SLC30A9: variants seen among roughly 807,000 people sequenced by gnomAD.
SLC30A9 encodes the protein solute carrier family 30 member 9, also known as proton-coupled zinc antiporter SLC30A9, mitochondrial.
A neutral mutation model predicts 87.5 loss-of-function variants in SLC30A9; 58 were observed. The observed-to-expected ratio is 0.66, with a 90% confidence interval of 0.54 to 0.82. SLC30A9 has a LOEUF of 0.82. Ranked by LOEUF, SLC30A9 falls within the 40% of genes least tolerant of loss-of-function variation. SLC30A9 has a pLI of 0.00. For missense variants in SLC30A9, 557 were observed against 679.1 expected, an observed-to-expected ratio of 0.82 and a Z score of 2.00; for synonymous variants, 234 against 233.0, an observed-to-expected ratio of 1.00 and a Z score of -0.04.
At chr4:41,990,911 G>A in intron 1 of SLC30A9, 151 bp downstream of exon 1, 1 of 630,952 alleles carries the variant, frequency 1.6e-6, no homozygotes, top group East Asian at 2.8e-5. Context: ...TTCAGCCTGC[G>A]CAGCCCGCGG....
At chr4:42,021,629 G>GA (rs2153135377) in intron 4 of SLC30A9, among the ~76,000 whole-genome samples, 1 of 152,232 alleles carries the variant, frequency 6.6e-6, no homozygotes, top group South Asian at 2.1e-4. Context: ...TCATTCCTTT[G>GA]AATGGATATT....
chr4:42,059,953 AT>A (rs553998718), intron 9 of SLC30A9, among the ~76,000 whole-genome samples: 2 of 151,744 alleles, frequency 1.3e-5, no homozygotes, highest in African/African-American at 2.4e-5. Flanking sequence ...CAATTGATGG[AT>A]TTTTTTTAGG....
intron 8 of SLC30A9, among the ~76,000 whole-genome samples, chr4:42,046,676 A>G (rs1403585692): frequency 6.6e-6 from 1 of 152,224 alleles, no homozygotes; most frequent in Non-Finnish European, 1.5e-5. Flanking sequence ...TAATGGAATC[A>G]ATGATATCCC....
intron 17 of SLC30A9, among the ~76,000 whole-genome samples, chr4:42,085,254 A>G (rs1032121637): frequency 6.6e-6 from 1 of 152,322 alleles, no homozygotes; most frequent in Non-Finnish European, 1.5e-5. Flanking sequence ...TCTAGATCTC[A>G]TGAGCAAAAT....
intron 9 of SLC30A9, among the ~76,000 whole-genome samples, chr4:42,050,914 G>T (rs1218644569): frequency 6.6e-6 from 1 of 152,164 alleles, no homozygotes; most frequent in African/African-American, 2.4e-5. Flanking sequence ...GAGGTGGCTA[G>T]AACTTACAAG....
chr4:42,024,339 G>A (rs1716098454), intron 6 of SLC30A9, among the ~76,000 whole-genome samples: 1 of 152,096 alleles, frequency 6.6e-6, no homozygotes, highest in Non-Finnish European at 1.5e-5. Context: ...TAAATGGGGT[G>A]ATACCATACA....
chr4:42,028,542 T>C (rs1053045876), intron 6 of SLC30A9, among the ~76,000 whole-genome samples: 3 of 152,246 alleles, frequency 2.0e-5, no homozygotes, highest in Admixed American at 2.0e-4. Context: ...AAAGCCTTAG[T>C]TGGACAAATT....
intron 1 of SLC30A9, among the ~76,000 whole-genome samples, chr4:41,996,655 A>C (rs1284888035): frequency 6.6e-6 from 1 of 152,110 alleles, no homozygotes; most frequent in East Asian, 1.9e-4. Context: ...AGATGGGAAA[A>C]CCACCTGAGG....
At chr4:42,057,325 C>G (rs150052263) in intron 9 of SLC30A9, among the ~76,000 whole-genome samples, 2 of 152,332 alleles carry the variant, frequency 1.3e-5, no homozygotes, top group African/African-American at 4.8e-5. Context: ...AAACTTCTAC[C>G]TGGGCATCCA....
At chr4:42,020,695 A>G (rs775533639) in intron 4 of SLC30A9, 180 bp downstream of exon 4, 4 of 466,520 alleles carry the variant, frequency 8.6e-6, no homozygotes, top group Non-Finnish European at 1.5e-5. Flanking sequence ...ACTAAACTGA[A>G]TCCTGCCCCA....
intron 15 of SLC30A9, among the ~76,000 whole-genome samples, chr4:42,074,946 T>C (rs2153140907): frequency 6.9e-6 from 1 of 144,542 alleles, no homozygotes; most frequent in Non-Finnish European, 1.5e-5. Flanking sequence ...ATTTAGGAAA[T>C]TGATAAGTAG....
intron 17 of SLC30A9, among the ~76,000 whole-genome samples, chr4:42,082,126 A>ATTCTCCT (rs1456893698): frequency 1.3e-5 from 2 of 152,076 alleles, no homozygotes; most frequent in Non-Finnish European, 2.9e-5. Context: ...CTGAGGCAGG[A>ATTCTCCT]GAATGGCATG....
At chr4:42,024,754 T>G (rs933821745) in intron 6 of SLC30A9, among the ~76,000 whole-genome samples, 4 of 152,228 alleles carry the variant, frequency 2.6e-5, no homozygotes, top group Non-Finnish European at 4.4e-5. Context: ...CTTTTTTGTG[T>G]ATTTGATGGG....
At position 42,070,647 on chromosome 4, in the gene SLC30A9, A is replaced by G. The variant is rs1376031949; in HGVS notation, c.1374A>G (p.Gln458=). ...ALLGRSIQPE[Q]VQRLTELLEN... ...TAGGGCGGTCCATCCAGCCAGAACA[A>G]GTACAACGGCTCACTGAACTCCTGG... Residue 458 remains glutamine, a synonymous_variant, in exon 15 of 18, where the codon CAA becomes CAG. Coordinates refer to ENST00000264451, the MANE Select transcript of SLC30A9 (RefSeq NM_006345.4). The G allele has an allele frequency of 1.2e-6, 2 of 1,613,902 alleles. No individual in the cohort carries two copies. The highest frequency in any genetic ancestry group is 3.3e-5 in the Admixed American group (2 of 60,002).
chr4:41,990,781 G>T (rs375808974), intron 1 of SLC30A9, 21 bp downstream of exon 1: 2 of 1,571,144 alleles, frequency 1.3e-6, no homozygotes, highest in Non-Finnish European at 1.7e-6. Context: ...CGCGCTGGCC[G>T]CTGGCTCCGT....
At chr4:42,049,559 A>T in intron 9 of SLC30A9, 80 bp downstream of exon 9, 1 of 720,078 alleles carries the variant, frequency 1.4e-6, no homozygotes, top group Admixed American at 3.0e-5. Context: ...TCTATTTTAA[A>T]ACTGAATGAT....
In SLC30A9 at chr4:42,035,812, G is replaced by C. The variant is rs10027625; in HGVS notation, c.669+479G>C. On this transcript the variant is annotated intron_variant, in intron 7 of 17. Transcript: ENST00000264451. Reference sequence around the variant, plus strand: ...GATTTTCTTGAAATTTAAAACATTTGTACATAAGTTTTCTTTAAAGTCATA... The same window carrying C: ...GATTTTCTTGAAATTTAAAACATTTCTACATAAGTTTTCTTTAAAGTCATA... 5.2e-3 allele frequency among the ~76,000 whole-genome samples: 786 copies of C among 152,022 alleles called. 6 individuals carry two copies. The highest frequency in any genetic ancestry group is 0.018 in the African/African-American group (745 of 41,474).
At chr4:41,999,697 C>T (rs1714894545) in intron 1 of SLC30A9, among the ~76,000 whole-genome samples, 1 of 151,492 alleles carries the variant, frequency 6.6e-6, no homozygotes, top group African/African-American at 2.4e-5. Flanking sequence ...AAAAAAAAGA[C>T]ATTCTGTAGC....
rs192128028 is a variant in SLC30A9, at chr4:42,086,872, C to T, written c.*746C>T. On this transcript the variant is annotated 3_prime_UTR_variant, in exon 18 of 18. Coordinates refer to ENST00000264451, the MANE Select transcript of SLC30A9 (RefSeq NM_006345.4). The stretch of plus-strand genomic sequence containing the variant: ...TAGGAGATATAGTCCTAGATATTTC[C>T]ATGGGCCAGTGTGATGACTTTTTTT... 1 of 152,302 alleles carries T rather than the reference C, an allele frequency of 6.6e-6. No homozygotes were observed. The highest frequency in any genetic ancestry group is 6.5e-5 in the Admixed American group (1 of 15,286). The allele number at this position is 152,302 out of a possible 1,614,324, so 9.4% of individuals were successfully genotyped here.
Sources: gnomAD v4.1 joint callset for allele counts (sites outside exome capture counted in the v4.1 genomes callset) on GRCh38, gnomAD v4.1.1 for gene constraint, MANE v1.5 for transcripts, NCBI Gene and HGNC (gene_info 2026-07-23, HGNC 2026-07-21) for gene names.